Variants in C1QTNF2 observed in about 807,000 individuals in gnomAD.
C1QTNF2 encodes the protein complement C1q tumor necrosis factor-related protein 2.
In C1QTNF2, 15 loss-of-function variants were observed where a neutral mutation model predicts 17.4. The observed-to-expected ratio is 0.86, with a 90% CI of 0.58 to 1.33. C1QTNF2 has a LOEUF of 1.33. Ranked by LOEUF, C1QTNF2 falls within the 40% of genes most tolerant of loss-of-function variation. C1QTNF2 has a pLI of 0.00. For synonymous variants in C1QTNF2, 154 were observed against 163.3 expected, an observed-to-expected ratio of 0.94 and a Z score of 0.44; for missense variants, 381 against 392.3, an observed-to-expected ratio of 0.97 and a Z score of 0.24.
intron 2 of C1QTNF2, among the ~76,000 whole-genome samples, chr5:160,352,280 G>A (rs752495381): frequency 1.1e-4 from 16 of 152,180 alleles, no homozygotes; most frequent in Non-Finnish European, 2.2e-4. Flanking sequence ...GTCCTACCAT[G>A]TATTATATAA....
At chr5:160,367,655 A>G (rs932427240) in intron 1 of C1QTNF2, among the ~76,000 whole-genome samples, 2 of 152,178 alleles carry the variant, frequency 1.3e-5, no homozygotes, top group African/African-American at 4.8e-5. Flanking sequence ...TCCAGCCTCT[A>G]GGGATCGTGA....
intron 1 of C1QTNF2, among the ~76,000 whole-genome samples, chr5:160,356,969 C>A (rs1230352587): frequency 6.6e-6 from 1 of 152,008 alleles, no homozygotes; most frequent in Non-Finnish European, 1.5e-5. Flanking sequence ...TCATTGCCCA[C>A]ATCCCAGCAG....
At chr5:160,366,003 A>G (rs914427258) in intron 1 of C1QTNF2, among the ~76,000 whole-genome samples, 1 of 152,192 alleles carries the variant, frequency 6.6e-6, no homozygotes, top group Non-Finnish European at 1.5e-5. Context: ...GTGTTTGGTT[A>G]CATGAGTGAG....
rs142604768 is a variant in C1QTNF2 at position 160,354,952 on chromosome 5, G to T, written c.60C>A (p.Gly20=). ...ALPCAADPLL[G]AFARRDFRKG... is the part of the protein sequence containing the mutation. ...TCCGGAAGTCCCTGCGAGCAAAGGC[G>T]CCAAGCAGTGGGTCAGCAGCACAGG... Residue 20 remains glycine, a synonymous_variant, in exon 2 of 3, where the codon GGC becomes GGA. Coordinates refer to ENST00000652664, the MANE Select transcript of C1QTNF2 (RefSeq NM_031908.6). 1.9e-6 allele frequency: 3 copies of T among 1,594,010 alleles called. No individual in the cohort carries two copies. Among genetic ancestry groups the T allele is most frequent in the South Asian group, 1.1e-5 (1 of 87,656 alleles).
rs142073998 is a variant in C1QTNF2, at chr5:160,361,683, C to T, written c.-9-6663G>A. ...TTAGCCCAGTGTTTGACACTGTAAA[C>T]GCTCCACGGTTGGAAAGAACTGTGC... is the stretch of plus-strand genomic sequence containing the variant. On this transcript the variant is annotated intron_variant, in intron 1 of 2. Coordinates refer to ENST00000652664, the MANE Select transcript of C1QTNF2 (RefSeq NM_031908.6). Among the ~76,000 whole-genome samples the T allele has an allele frequency of 1.3e-3, 202 of 152,312 alleles. 2 individuals are homozygous for T. The highest frequency in any genetic ancestry group is 4.6e-3 in the African/African-American group (192 of 41,568).
At chr5:160,361,626 A>G (rs1159033467) in intron 1 of C1QTNF2, among the ~76,000 whole-genome samples, 1 of 152,158 alleles carries the variant, frequency 6.6e-6, no homozygotes, top group Non-Finnish European at 1.5e-5. Flanking sequence ...TTGTGTGAGA[A>G]ATGAGTGAAG....
chr5:160,349,025 G>T lies in C1QTNF2; in HGVS notation c.*143C>A. On this transcript the variant is annotated 3_prime_UTR_variant, in exon 3 of 3. Coordinates refer to ENST00000652664, the MANE Select transcript of C1QTNF2 (RefSeq NM_031908.6). The surrounding 1 kb of genome is among the most constrained non-coding windows in gnomAD (Gnocchi z 4.3). ...ATAAAAAGGTTTGGATTTAATGAAG[G>T]GGAAAAAAAGAGGCAGAGGAGGTGA... The T allele has an allele frequency of 4.1e-6, 4 of 974,812 alleles. No homozygotes were observed. Among genetic ancestry groups the T allele is most frequent in the Non-Finnish European group, 6.0e-6 (4 of 663,048 alleles). 60.4% of individuals were successfully genotyped at this position (974,812 alleles called of 1,614,324 possible).
At chr5:160,366,954 G>A (rs1383061090) in intron 1 of C1QTNF2, among the ~76,000 whole-genome samples, 1 of 147,752 alleles carries the variant, frequency 6.8e-6, no homozygotes, top group African/African-American at 2.5e-5. Context: ...AGTCCAGGAG[G>A]CAGAGGCTGC....
chr5:160,369,748 C>G (rs1047017785), intron 1 of C1QTNF2, among the ~76,000 whole-genome samples: 1 of 152,102 alleles, frequency 6.6e-6, no homozygotes, highest in African/African-American at 2.4e-5. Flanking sequence ...CTCATGGTGT[C>G]AGAGGAGAGA....
At chr5:160,366,188 A>C (rs1412745908) in intron 1 of C1QTNF2, among the ~76,000 whole-genome samples, 1 of 152,136 alleles carries the variant, frequency 6.6e-6, no homozygotes, top group Non-Finnish European at 1.5e-5. Context: ...CTCACTTATG[A>C]GTGAGAACAT....
Position 160,349,010 on chromosome 5 carries a change from T to C in C1QTNF2, c.*158A>G. 1 of 829,078 alleles carries C rather than the reference T, an allele frequency of 1.2e-6. No homozygotes were observed. Among genetic ancestry groups the C allele is most frequent in the Non-Finnish European group, 1.8e-6 (1 of 541,324 alleles). 51.4% of individuals were successfully genotyped at this position (829,078 alleles called of 1,614,324 possible). ...TAGATGGTTGGATGAATAAAAAGGT[T>C]TGGATTTAATGAAGGGGAAAAAAAG... is the stretch of plus-strand genomic sequence containing the variant. On this transcript the variant is annotated 3_prime_UTR_variant, in exon 3 of 3. Transcript: ENST00000652664. This position sits in a 1 kb window ranked among gnomAD's most constrained non-coding sequence, Gnocchi z 4.3.
intron 1 of C1QTNF2, 119 bp downstream of exon 1, chr5:160,370,393 C>A (rs1207046673): frequency 9.4e-6 from 12 of 1,277,582 alleles, no homozygotes; most frequent in Non-Finnish European, 1.2e-5. Context: ...GCAATAAAGG[C>A]GCGCTGGCAG....
At chr5:160,355,261 G>A (rs920914828) in intron 1 of C1QTNF2, 8 of 984,944 alleles carry the variant, frequency 8.1e-6, no homozygotes, top group African/African-American at 1.7e-5. Flanking sequence ...CGGGGGTGAG[G>A]CATTCATCAT....
chr5:160,359,302 TC>T (rs34208348), intron 1 of C1QTNF2, among the ~76,000 whole-genome samples: 26,624 of 152,036 alleles, frequency 0.18, 2,441 homozygotes, highest in East Asian at 0.34. Flanking sequence ...CCTGCTATTT[TC>T]CCCCCATTTT....
intron 1 of C1QTNF2, among the ~76,000 whole-genome samples, chr5:160,363,201 C>T (rs993052322): frequency 9.2e-5 from 14 of 152,192 alleles, no homozygotes; most frequent in East Asian, 1.9e-4. Flanking sequence ...AAACACTCCA[C>T]GCCCTCCCTG....
In C1QTNF2 at chr5:160,349,630, C is replaced by T. The variant is rs10053189; in HGVS notation, c.396G>A (p.Lys132=). The T allele has an allele frequency of 0.45, 729,358 of 1,613,274 alleles. 169,010 individuals are homozygous for T. Among genetic ancestry groups the T allele is most frequent in the Non-Finnish European group, 0.48 (566,566 of 1,179,820 alleles). The change falls in exon 3 of 3, where the codon AAG becomes AAA. Residue 132 remains lysine, a synonymous_variant. Coordinates refer to ENST00000652664, the MANE Select transcript of C1QTNF2 (RefSeq NM_031908.6). The surrounding 1 kb of genome is among the most constrained non-coding windows in gnomAD (Gnocchi z 4.3). Reference sequence around the variant, plus strand: ...AGGGGCCTGGGAGGCCTGGCTCCCCCTTCTTGCCCTTGGGCCCCTTCTTGC... The same window carrying T: ...AGGGGCCTGGGAGGCCTGGCTCCCCTTTCTTGCCCTTGGGCCCCTTCTTGC... The part of the protein sequence containing the change: ...TPGKKGPKGK[K]GEPGLPGPCS...
At chr5:160,369,032 G>A (rs1764299221) in intron 1 of C1QTNF2, among the ~76,000 whole-genome samples, 1 of 147,598 alleles carries the variant, frequency 6.8e-6, no homozygotes, top group Non-Finnish European at 1.5e-5. Flanking sequence ...TTGTACCATG[G>A]AATGTAAAGT....
intron 2 of C1QTNF2, among the ~76,000 whole-genome samples, chr5:160,351,582 C>T (rs1312518423): frequency 3.3e-5 from 5 of 151,962 alleles, no homozygotes; most frequent in Admixed American, 3.3e-4. Context: ...ATGTTAAGTG[C>T]CTGACAATGC....
intron 1 of C1QTNF2, among the ~76,000 whole-genome samples, chr5:160,364,276 C>T (rs966167456): frequency 1.3e-5 from 2 of 152,188 alleles, no homozygotes; most frequent in African/African-American, 4.8e-5. Flanking sequence ...TCCAGCATAG[C>T]TGTGTGAGTT....
Sources: gnomAD v4.1 joint callset for allele counts (sites outside exome capture counted in the v4.1 genomes callset) on GRCh38, gnomAD v4.1.1 for gene constraint, Gnocchi (gnomAD v3.1) non-coding constraint, MANE v1.5 for transcripts, NCBI Gene and HGNC (gene_info 2026-07-23, HGNC 2026-07-21) for gene names.